The following PTPRD variants were observed in gnomAD, a reference collection of about 807,000 sequenced individuals.
PTPRD encodes receptor-type tyrosine-protein phosphatase delta.
Under a neutral mutation model 214.5 loss-of-function variants are expected in PTPRD, and 34 were observed. The observed-to-expected ratio is 0.16, with a 90% CI of 0.12 to 0.21. The LOEUF is 0.21. Ranked by LOEUF, PTPRD falls within the 10% of genes least tolerant of loss-of-function variation. The pLI, the probability that PTPRD is intolerant of heterozygous loss-of-function variation, is 1.00. For missense variants in PTPRD, 2,545 were observed against 2,398.7 expected (o/e 1.06, Z -1.27); for synonymous variants, 1,128 against 845.7 (o/e 1.33, Z -5.79).
chr9:9,891,753 T>C (rs966340065), intron 5 of PTPRD, among the ~76,000 whole-genome samples: 2 of 152,108 alleles, frequency 1.3e-5, no homozygotes, highest in African/African-American at 4.8e-5. Flanking sequence ...CTGGACTTTA[T>C]GTACATAGGC....
intron 5 of PTPRD, among the ~76,000 whole-genome samples, chr9:9,838,919 A>T (rs1599333227): frequency 1.3e-5 from 2 of 152,166 alleles, no homozygotes; most frequent in African/African-American, 4.8e-5. Context: ...TTAAGTCTTT[A>T]ATCCATCTTG....
intron 10 of PTPRD, among the ~76,000 whole-genome samples, chr9:9,173,034 C>T (rs767712485): frequency 6.6e-6 from 1 of 152,100 alleles, no homozygotes; most frequent in Non-Finnish European, 1.5e-5. Flanking sequence ...TCGTTTATTT[C>T]CCAGTCATCT....
At chr9:9,943,709 C>T (rs1370048612) in intron 4 of PTPRD, among the ~76,000 whole-genome samples, 1 of 152,084 alleles carries the variant, frequency 6.6e-6, no homozygotes. Flanking sequence ...GGTACAGAAG[C>T]TAATTGTGCA....
intron 11 of PTPRD, among the ~76,000 whole-genome samples, chr9:8,916,087 A>G (rs2098783964): frequency 6.6e-6 from 1 of 152,158 alleles, no homozygotes; most frequent in Non-Finnish European, 1.5e-5. Context: ...CAGAAATTTT[A>G]TCCTGGATTT....
At chr9:9,534,539 T>C (rs1052331128) in intron 8 of PTPRD, among the ~76,000 whole-genome samples, 1 of 152,096 alleles carries the variant, frequency 6.6e-6, no homozygotes, top group Non-Finnish European at 1.5e-5. Flanking sequence ...TTTTTAAAAT[T>C]ATACACCAGT....
intron 8 of PTPRD, chr9:9,442,218 C>T (rs2088281601): frequency 1.3e-5 from 2 of 152,152 alleles, no homozygotes; most frequent in Non-Finnish European, 2.9e-5. Context: ...AGCGGGGGAC[C>T]ACCAGGTTGC....
chr9:9,778,395 C>T (rs1044284784), intron 5 of PTPRD, among the ~76,000 whole-genome samples: 1 of 152,138 alleles, frequency 6.6e-6, no homozygotes. Context: ...CAGAGACAGG[C>T]CTTCAGGTGG....
At chr9:10,379,347 G>T (rs1248598179) in intron 2 of PTPRD, among the ~76,000 whole-genome samples, 1 of 151,364 alleles carries the variant, frequency 6.6e-6, no homozygotes, top group Non-Finnish European at 1.5e-5. Context: ...CAATTTAGAT[G>T]AACTTTATTT....
intron 3 of PTPRD, among the ~76,000 whole-genome samples, chr9:10,325,127 A>G (rs1440803960): frequency 6.6e-6 from 1 of 152,014 alleles, no homozygotes; most frequent in Non-Finnish European, 1.5e-5. Context: ...GTATTCTAGA[A>G]GAGTGTTTAT....
At chr9:10,210,640 T>C (rs2099511252) in intron 3 of PTPRD, among the ~76,000 whole-genome samples, 1 of 150,384 alleles carries the variant, frequency 6.6e-6, no homozygotes. Context: ...TCTGTATATA[T>C]ACATATATAT....
chr9:8,353,774 C>T (rs1260924088), intron 39 of PTPRD, among the ~76,000 whole-genome samples: 9 of 149,890 alleles, frequency 6.0e-5, no homozygotes, highest in Non-Finnish European at 1.2e-4. Context: ...TGCCTACTCA[C>T]ATTCGTATAC....
At chr9:9,615,668 T>C (rs1440367656) in intron 7 of PTPRD, among the ~76,000 whole-genome samples, 1 of 152,144 alleles carries the variant, frequency 6.6e-6, no homozygotes, top group Non-Finnish European at 1.5e-5. Context: ...GAAGTGAAAA[T>C]TGTTCTGGAG....
intron 5 of PTPRD, among the ~76,000 whole-genome samples, chr9:9,812,541 T>C (rs1265897518): frequency 6.9e-6 from 1 of 143,978 alleles, no homozygotes; most frequent in Non-Finnish European, 1.5e-5. Flanking sequence ...TGAGACAAAA[T>C]AGACTTTCAG....
At chr9:9,311,809 T>A (rs1337882461) in intron 9 of PTPRD, among the ~76,000 whole-genome samples, 1 of 152,170 alleles carries the variant, frequency 6.6e-6, no homozygotes, top group Non-Finnish European at 1.5e-5. Context: ...TGACCTGTAC[T>A]TTGCAAGCAA....
intron 13 of PTPRD, among the ~76,000 whole-genome samples, chr9:8,636,117 G>T (rs984906317): frequency 2.6e-5 from 4 of 152,132 alleles, no homozygotes; most frequent in African/African-American, 9.7e-5. Flanking sequence ...ACACAGGTGC[G>T]AGGGGCAGTG....
intron 11 of PTPRD, among the ~76,000 whole-genome samples, chr9:8,996,469 G>A (rs12335695): frequency 0.058 from 8,838 of 152,060 alleles, 296 homozygotes; most frequent in Middle Eastern, 0.092. Context: ...TGATAGAGGT[G>A]GAGAAAGGCA....
At chr9:9,087,400 T>C (rs1165112024) in intron 10 of PTPRD, among the ~76,000 whole-genome samples, 1 of 152,096 alleles carries the variant, frequency 6.6e-6, no homozygotes, top group East Asian at 1.9e-4. Flanking sequence ...ACCGATAAGT[T>C]CAAGAATGAG....
intron 35 of PTPRD, among the ~76,000 whole-genome samples, chr9:8,430,724 C>G (rs758028299): frequency 6.6e-6 from 1 of 152,140 alleles, no homozygotes; most frequent in Non-Finnish European, 1.5e-5. Context: ...TCCACACTGA[C>G]TATGAGACTA....
intron 7 of PTPRD, among the ~76,000 whole-genome samples, chr9:9,611,254 A>G (rs2094496379): frequency 1.3e-5 from 2 of 152,236 alleles, no homozygotes; most frequent in Admixed American, 6.5e-5. Flanking sequence ...TGACATATAA[A>G]TAACAGAATT....
Sources: allele counts gnomAD v4.1 joint callset (sites outside exome capture counted in the v4.1 genomes callset), GRCh38; gene constraint gnomAD v4.1.1; transcripts MANE v1.5; gene names NCBI Gene and HGNC (gene_info 2026-07-23, HGNC 2026-07-21).